MAST4: variants seen among roughly 807,000 people sequenced by gnomAD.
The protein encoded by MAST4 is microtubule-associated serine/threonine-protein kinase 4.
Under a neutral mutation model 162.7 loss-of-function variants are expected in MAST4, and 89 were observed. The ratio of observed to expected loss-of-function variants is 0.55; its 90% CI spans 0.46 to 0.65. The LOEUF (loss-of-function observed/expected upper bound fraction) is 0.65, where lower values mean the gene tolerates loss of function less well. Among genes scored for constraint, MAST4 ranks in the 30% least tolerant of loss-of-function variants. The probability of loss-of-function intolerance (pLI) is 0.00; values close to 1 mark genes in which losing one functional copy is unlikely to be tolerated. For missense variants in MAST4, 3,153 were observed against 3,374.0 expected (o/e 0.93, Z 1.62); for synonymous variants, 1,479 against 1,361.1 (o/e 1.09, Z -1.91).
At chr5:66,855,756 G>T (rs191314959) in intron 3 of MAST4, among the ~76,000 whole-genome samples, 1 of 152,188 alleles carries the variant, frequency 6.6e-6, no homozygotes, top group African/African-American at 2.4e-5. Context: ...GTGCTCATTG[G>T]TTGATGGTTG....
chr5:66,653,643 C>T (rs952471968), intron 1 of MAST4, among the ~76,000 whole-genome samples: 4 of 152,172 alleles, frequency 2.6e-5, no homozygotes, highest in Non-Finnish European at 4.4e-5. Flanking sequence ...ATTCACATCT[C>T]CTCCTTGGCA....
chr5:67,163,269 C>G lies in MAST4; in HGVS notation c.4090C>G (p.Arg1364Gly), dbSNP rs779584143. The change falls in exon 29 of 29, where the codon CGG becomes GGG. Residue 1364 changes from arginine (R) to glycine (G), a missense_variant. Arg to Gly is a moderately radical substitution (Grantham distance 125). Transcript: ENST00000403625. The surrounding 1 kb of genome is among the most constrained non-coding windows in gnomAD (Gnocchi z 7.0). ...LAPKLGGQRY[R>G]SGRRKSAGNI... is the part of the protein sequence containing the mutation. ...ACCCAAACTCGGCGGGCAGCGGTAC[C>G]GGTCCGGAAGGCGAAAGTCCGCCGG... 6.2e-7 allele frequency: 1 copy of G among 1,613,472 alleles called. No individual in the cohort carries two copies. The highest frequency in any genetic ancestry group is 1.7e-5 in the Admixed American group (1 of 60,024).
chr5:66,893,100 A>C (rs1016517384), intron 3 of MAST4, among the ~76,000 whole-genome samples: 8 of 152,264 alleles, frequency 5.3e-5, no homozygotes, highest in Non-Finnish European at 4.4e-5. Flanking sequence ...TTTTCAAAGA[A>C]AGTGAGTGTT....
chr5:66,919,178 A>T (rs1214760610), intron 4 of MAST4, among the ~76,000 whole-genome samples: 2 of 151,880 alleles, frequency 1.3e-5, no homozygotes, highest in Admixed American at 6.6e-5. Flanking sequence ...CGTATAATTC[A>T]CATAAATTGA....
chr5:66,900,782 T>C (rs541412416), intron 4 of MAST4, among the ~76,000 whole-genome samples: 4 of 152,268 alleles, frequency 2.6e-5, no homozygotes, highest in African/African-American at 7.2e-5. Context: ...GAAAAATATA[T>C]GGCAACTGTT....
rs79786469 is a variant in MAST4 at position 67,087,916 on chromosome 5, T to C, written c.764-2246T>C. Among the ~76,000 whole-genome samples the C allele has an allele frequency of 5.3e-3, 809 of 152,268 alleles. 7 individuals are homozygous for C. Among genetic ancestry groups the C allele is most frequent in the African/African-American group, 0.019 (778 of 41,558 alleles). On this transcript the variant is annotated intron_variant, in intron 5 of 28. Coordinates refer to ENST00000403625, the MANE Select transcript of MAST4 (RefSeq NM_001164664.2). ...GTAGATGAGAAGAAAATGAGGAAAA[T>C]GTTCAAGCAATGGACCTAGAAAGGC...
intron 2 of MAST4, among the ~76,000 whole-genome samples, chr5:66,774,272 G>A (rs1754483842): frequency 6.6e-6 from 1 of 152,164 alleles, no homozygotes; most frequent in South Asian, 2.1e-4. Flanking sequence ...TTTCTGTCTT[G>A]GTCTTGGTTG....
chr5:67,021,248 C>T (rs1753941446), intron 4 of MAST4, among the ~76,000 whole-genome samples: 1 of 152,132 alleles, frequency 6.6e-6, no homozygotes, highest in South Asian at 2.1e-4. Context: ...TTCATGGCCC[C>T]CACACCCTGA....
chr5:67,151,304 A>AC (rs1214898183), intron 24 of MAST4, among the ~76,000 whole-genome samples: 1 of 151,292 alleles, frequency 6.6e-6, no homozygotes, highest in African/African-American at 2.5e-5. Flanking sequence ...TCAGCATCTG[A>AC]CAAGGGCTTG....
At chr5:66,604,647 T>G (rs905003855) in intron 1 of MAST4, among the ~76,000 whole-genome samples, 1 of 152,242 alleles carries the variant, frequency 6.6e-6, no homozygotes, top group Non-Finnish European at 1.5e-5. Context: ...GGCCTCTGCC[T>G]TAGAACTTGG....
intron 5 of MAST4, among the ~76,000 whole-genome samples, chr5:67,081,053 TATTATATAATATAATATATA>T (rs1254723988): frequency 7.9e-6 from 1 of 126,172 alleles, no homozygotes; most frequent in African/African-American, 3.4e-5. Context: ...TAATTGTATA[TATTATATAATATAATATATA>T]ATTGTATATA....
chr5:67,141,474 T>G (rs1004161954), intron 19 of MAST4, among the ~76,000 whole-genome samples: 2 of 152,162 alleles, frequency 1.3e-5, no homozygotes, highest in Non-Finnish European at 2.9e-5. Context: ...TTGAAAACAT[T>G]TCACTGAATT....
intron 13 of MAST4, among the ~76,000 whole-genome samples, chr5:67,118,981 G>A (rs1767253569): frequency 6.6e-6 from 1 of 152,188 alleles, no homozygotes; most frequent in Admixed American, 6.5e-5. Context: ...TGGCACTTGA[G>A]CTAAATGTAA....
intron 26 of MAST4, among the ~76,000 whole-genome samples, chr5:67,159,093 A>G (rs1581759232): frequency 6.6e-6 from 1 of 152,228 alleles, no homozygotes; most frequent in Non-Finnish European, 1.5e-5. Flanking sequence ...ATTTTGATTC[A>G]CCCATCTGAT....
chr5:66,953,863 C>G (rs1200364182), intron 4 of MAST4, among the ~76,000 whole-genome samples: 1 of 152,176 alleles, frequency 6.6e-6, no homozygotes, highest in Non-Finnish European at 1.5e-5. Flanking sequence ...TCCCTGGCCT[C>G]TACTCACTAT....
At chr5:67,019,888 CATT>C (rs913975867) in intron 4 of MAST4, among the ~76,000 whole-genome samples, 2 of 152,146 alleles carry the variant, frequency 1.3e-5, no homozygotes, top group Non-Finnish European at 2.9e-5. Context: ...TGAACCCCCT[CATT>C]ATAAGATGAG....
intron 4 of MAST4, among the ~76,000 whole-genome samples, chr5:66,919,560 C>G (rs905768752): frequency 6.7e-6 from 1 of 149,812 alleles, no homozygotes; most frequent in Non-Finnish European, 1.5e-5. Flanking sequence ...ACTTGGGAGG[C>G]TGAGGCAGGA....
chr5:66,813,617 A>G (rs1417385955), intron 3 of MAST4, among the ~76,000 whole-genome samples: 1 of 152,214 alleles, frequency 6.6e-6, no homozygotes, highest in African/African-American at 2.4e-5. Flanking sequence ...ATTGCCATGT[A>G]TTTTTACTTA....
intron 1 of MAST4, among the ~76,000 whole-genome samples, chr5:66,598,720 C>T (rs532010978): frequency 6.6e-6 from 1 of 152,312 alleles, no homozygotes; most frequent in South Asian, 2.1e-4. Context: ...AGTATTGCCG[C>T]TGGTGGAGAG....
Sources: gnomAD v4.1 joint callset for allele counts (sites outside exome capture counted in the v4.1 genomes callset) on GRCh38, gnomAD v4.1.1 for gene constraint, Gnocchi (gnomAD v3.1) non-coding constraint, MANE v1.5 for transcripts, NCBI Gene and HGNC (gene_info 2026-07-23, HGNC 2026-07-21) for gene names.